The following GLI3 variants were observed in gnomAD, a reference collection of about 807,000 sequenced individuals.
GLI3 encodes the protein transcription activator GLI3.
In GLI3, 20 loss-of-function variants were observed where a neutral mutation model predicts 100.8. The ratio of observed to expected loss-of-function variants is 0.20; its 90% CI spans 0.14 to 0.29. The LOEUF (loss-of-function observed/expected upper bound fraction) is 0.29. GLI3 is among the 10% of genes least tolerant of loss of function. GLI3 has a pLI of 1.00. For missense variants in GLI3, 2,040 were observed against 2,128.5 expected, an observed-to-expected ratio of 0.96 and a Z score of 0.82; for synonymous variants, 938 against 860.5, an observed-to-expected ratio of 1.09 and a Z score of -1.58.
Position 42,023,600 on chromosome 7 carries a change from G to C in GLI3, c.1365C>G (p.Pro455=), listed in dbSNP as rs544431683. The change falls in exon 10 of 15, where the codon CCC becomes CCG. Residue 455 remains proline, a synonymous_variant. Coordinates refer to ENST00000395925, the MANE Select transcript of GLI3 (RefSeq NM_000168.6). The part of the protein sequence containing the change: ...SPGARGQQEQ[P]EGTTLVKEEG... ...CCTCCTTGACAAGGGTTGTTCCTTC[G>C]GGCTGTTCCTGAAAGAAGAGGGTGG... 10 of 1,612,976 alleles carry C rather than the reference G, an allele frequency of 6.2e-6. No homozygotes were observed. The African/African-American group carries it at 6.7e-5, about 11-fold the overall frequency.
chr7:42,252,603 A>G (rs1789045287), intron 1 of GLI3, among the ~76,000 whole-genome samples: 1 of 152,218 alleles, frequency 6.6e-6, no homozygotes, highest in Non-Finnish European at 1.5e-5. Context: ...ATAGAATTTG[A>G]GTCACCTCTA....
At chr7:42,232,912 A>C (rs1401023662) in intron 1 of GLI3, among the ~76,000 whole-genome samples, 2 of 152,160 alleles carry the variant, frequency 1.3e-5, no homozygotes, top group Non-Finnish European at 2.9e-5. Flanking sequence ...ATTTAAAAAA[A>C]CCAAAAGACA....
chr7:41,974,405 CACA>C (rs1424374563), intron 12 of GLI3, among the ~76,000 whole-genome samples: 11 of 152,198 alleles, frequency 7.2e-5, no homozygotes, highest in African/African-American at 2.4e-4. Flanking sequence ...TAACCCTTCA[CACA>C]ACTTTTGCCC....
intron 2 of GLI3, among the ~76,000 whole-genome samples, chr7:42,161,844 T>G (rs1435117903): frequency 3.9e-5 from 6 of 152,318 alleles, no homozygotes; most frequent in Admixed American, 2.0e-4. Flanking sequence ...ACAAATGTAG[T>G]CAGGATTCTG....
chr7:42,056,644 A>G (rs1427167773), intron 4 of GLI3, among the ~76,000 whole-genome samples: 1 of 152,152 alleles, frequency 6.6e-6, no homozygotes, highest in Non-Finnish European at 1.5e-5. Context: ...CATTACTTCA[A>G]GAGATTTTTG....
intron 3 of GLI3, among the ~76,000 whole-genome samples, chr7:42,102,631 T>G (rs1003805195): frequency 6.6e-6 from 1 of 152,218 alleles, no homozygotes; most frequent in Non-Finnish European, 1.5e-5. Flanking sequence ...CTTCAGTGCC[T>G]CACCAGGCAA....
intron 3 of GLI3, among the ~76,000 whole-genome samples, chr7:42,105,662 T>G (rs1261163838): frequency 1.3e-5 from 2 of 152,162 alleles, no homozygotes; most frequent in African/African-American, 4.8e-5. Flanking sequence ...ATTCTTTAGT[T>G]CCACTTCATC....
At chr7:42,202,366 ACACACACACACACACACT>A (rs1247338075) in intron 2 of GLI3, among the ~76,000 whole-genome samples, 4 of 151,178 alleles carry the variant, frequency 2.6e-5, no homozygotes, top group African/African-American at 9.7e-5. Flanking sequence ...ACACACACAC[ACACACACACACACACACT>A]CACACACACA....
At chr7:42,143,486 T>C (rs939099800) in intron 3 of GLI3, among the ~76,000 whole-genome samples, 3 of 152,184 alleles carry the variant, frequency 2.0e-5, no homozygotes, top group African/African-American at 7.2e-5. Flanking sequence ...ATGTAAAATA[T>C]ACATCCTCTC....
intron 10 of GLI3, among the ~76,000 whole-genome samples, chr7:42,015,343 C>T (rs1176446612): frequency 6.6e-6 from 1 of 152,122 alleles, no homozygotes; most frequent in East Asian, 1.9e-4. Flanking sequence ...TTGGCTTACA[C>T]ATTGTCTCCT....
At chr7:42,262,209 T>TTCCTTACTTCCTTCC (rs1186292634) in intron 1 of GLI3, among the ~76,000 whole-genome samples, 1 of 110,842 alleles carries the variant, frequency 9.0e-6, no homozygotes, top group Non-Finnish European at 1.8e-5. Flanking sequence ...TCCTTCCTTC[T>TTCCTTACTTCCTTCC]TTCCTTCCTT....
intron 10 of GLI3, among the ~76,000 whole-genome samples, chr7:41,989,496 A>G (rs1787924575): frequency 6.6e-6 from 1 of 152,222 alleles, no homozygotes; most frequent in Non-Finnish European, 1.5e-5. Context: ...CCGAAGGATC[A>G]AATGAATTTG....
chr7:42,045,623 A>C, intron 5 of GLI3, 93 bp from the exon 6 acceptor site: 1 of 1,111,722 alleles, frequency 9.0e-7, no homozygotes, highest in Non-Finnish European at 1.3e-6. Context: ...CACAACCCAC[A>C]TCAGCAATTC....
intron 3 of GLI3, among the ~76,000 whole-genome samples, chr7:42,147,691 G>C (rs1171595863): frequency 1.3e-5 from 2 of 152,080 alleles, no homozygotes; most frequent in Non-Finnish European, 2.9e-5. Flanking sequence ...TGGTTAGAGA[G>C]GAAAATACAG....
At chr7:41,991,144 G>A (rs1251952090) in intron 10 of GLI3, among the ~76,000 whole-genome samples, 1 of 152,172 alleles carries the variant, frequency 6.6e-6, no homozygotes, top group Non-Finnish European at 1.5e-5. Context: ...TCCAAGGTTG[G>A]CTGCGGGAAT....
chr7:42,063,800 C>A (rs1784620234), intron 4 of GLI3, among the ~76,000 whole-genome samples: 1 of 152,174 alleles, frequency 6.6e-6, no homozygotes, highest in South Asian at 2.1e-4. Flanking sequence ...AATGGTGAAA[C>A]TGGCTTAGAC....
intron 3 of GLI3, among the ~76,000 whole-genome samples, chr7:42,138,847 C>T (rs983995805): frequency 6.6e-6 from 1 of 152,208 alleles, no homozygotes; most frequent in African/African-American, 2.4e-5. Context: ...AAACACCCCG[C>T]TTCCTAGAGT....
intron 11 of GLI3, 114 bp from the exon 12 acceptor site, chr7:41,977,836 AAACCCAGG>A: frequency 1.1e-6 from 1 of 933,574 alleles, no homozygotes. Context: ...CAGCTTTTCA[AAACCCAGG>A]AACAAAAAGT....
In GLI3 at chr7:42,081,172, G is replaced by A. The variant is rs181970403; in HGVS notation, c.368-4315C>T. 2.6e-4 allele frequency among the ~76,000 whole-genome samples: 39 copies of A among 152,234 alleles called. No homozygotes were observed. In the East Asian group the frequency reaches 5.0e-3, roughly 20 times the overall value. On this transcript the variant is annotated intron_variant, in intron 3 of 14. Transcript: ENST00000395925. Reference sequence around the variant, plus strand: ...TGTACTCTACTGTCAGCAAACTAACGGGCTAAATGGAAGACAGGGAGAATA... The same window carrying A: ...TGTACTCTACTGTCAGCAAACTAACAGGCTAAATGGAAGACAGGGAGAATA...
Sources: gnomAD v4.1 joint callset for allele counts (sites outside exome capture counted in the v4.1 genomes callset) on GRCh38, gnomAD v4.1.1 for gene constraint, MANE v1.5 for transcripts, NCBI Gene and HGNC (gene_info 2026-07-23, HGNC 2026-07-21) for gene names.